Variants in KAT14 observed in about 807,000 individuals in gnomAD.
KAT14 encodes the protein lysine acetyltransferase 14.
A neutral mutation model predicts 78.4 loss-of-function variants in KAT14; 66 were observed. The ratio of observed to expected loss-of-function variants is 0.84; its 90% CI spans 0.69 to 1.03. KAT14 has a LOEUF of 1.03. Among genes scored for constraint, KAT14 ranks in the 50% least tolerant of loss-of-function variants. The pLI, the probability that KAT14 is intolerant of heterozygous loss-of-function variation, is 0.00. For synonymous variants in KAT14, 344 were observed against 359.4 expected (o/e 0.96, Z 0.48); for missense variants, 870 against 972.5 (o/e 0.89, Z 1.40).
At chr20:18,155,978 A>G (rs1420094371) in intron 4 of KAT14, among the ~76,000 whole-genome samples, 1 of 152,202 alleles carries the variant, frequency 6.6e-6, no homozygotes, top group Non-Finnish European at 1.5e-5. Flanking sequence ...TGAGATGTGG[A>G]AGCAACCAAA....
intron 1 of KAT14, among the ~76,000 whole-genome samples, chr20:18,140,449 A>C (rs1056660356): frequency 6.6e-6 from 1 of 151,924 alleles, no homozygotes; most frequent in Non-Finnish European, 1.5e-5. Flanking sequence ...TTTGGAAAAA[A>C]CCCCACAAAC....
chr20:18,151,862 G>T (rs1164125858), intron 4 of KAT14, among the ~76,000 whole-genome samples: 1 of 151,582 alleles, frequency 6.6e-6, no homozygotes, highest in African/African-American at 2.4e-5. Context: ...AATTAGCTGG[G>T]CGTGGTGGCA....
At chr20:18,150,447 C>T (rs770443535) in intron 3 of KAT14, among the ~76,000 whole-genome samples, 16 of 152,076 alleles carry the variant, frequency 1.1e-4, no homozygotes, top group Non-Finnish European at 1.6e-4. Flanking sequence ...CTCCTGCTGG[C>T]CAGAAGGTAC....
intron 7 of KAT14, among the ~76,000 whole-genome samples, chr20:18,174,062 G>T (rs999960294): frequency 1.3e-5 from 2 of 152,148 alleles, no homozygotes; most frequent in Non-Finnish European, 2.9e-5. Flanking sequence ...TCACATAAAT[G>T]GAGTCATATA....
chr20:18,179,330 C>G (rs992605955), intron 7 of KAT14, among the ~76,000 whole-genome samples: 1 of 152,230 alleles, frequency 6.6e-6, no homozygotes, highest in Non-Finnish European at 1.5e-5. Flanking sequence ...TGTGGGGGCT[C>G]TGACCCCACA....
rs150733293 is a variant in KAT14, at chr20:18,177,291, G to C, written c.1669-4419G>C. Among the ~76,000 whole-genome samples the C allele has an allele frequency of 1.3e-3, 192 of 152,298 alleles. 1 individual carries two copies. The highest frequency in any genetic ancestry group is 4.6e-3 in the African/African-American group (190 of 41,574). On this transcript the variant is annotated intron_variant, in intron 7 of 10. Coordinates refer to ENST00000688188, the MANE Select transcript of KAT14 (RefSeq NM_001392073.1). The stretch of plus-strand genomic sequence containing the variant: ...AGAGTCCATCTCCCTGTGGCCTCTA[G>C]TTATTAACTGGTCTAGCTGGACTCC...
rs1325007673 is a variant in KAT14, at chr20:18,187,450, C to T, written c.2337C>T (p.Leu779=). 1.2e-6 allele frequency: 2 copies of T among 1,613,870 alleles called. No homozygotes were observed. Among genetic ancestry groups the T allele is most frequent in the Non-Finnish European group, 1.7e-6 (2 of 1,179,978 alleles). ...TECKHAFFLR[L]RR ...GTAAACACGCATTCTTTCTGAGGCT[C>T]CGGCGCTGATGCGAATACAGCTCAC... Residue 779 remains leucine (L), a synonymous_variant, in exon 11 of 11, where the codon CTC becomes CTT. Coordinates refer to ENST00000688188, the MANE Select transcript of KAT14 (RefSeq NM_001392073.1).
chr20:18,141,161 A>G (rs2037560043), intron 1 of KAT14, among the ~76,000 whole-genome samples: 1 of 151,038 alleles, frequency 6.6e-6, no homozygotes, highest in African/African-American at 2.4e-5. Flanking sequence ...CTGGGATTAC[A>G]GGAGTGAGCC....
In KAT14 at chr20:18,138,003, G is replaced by C. The variant is rs760478110; in HGVS notation, c.-502G>C. 3.7e-5 allele frequency: 55 copies of C among 1,506,018 alleles called. No individual in the cohort carries two copies. Among genetic ancestry groups the C allele is most frequent in the East Asian group, 3.5e-4 (13 of 36,942 alleles). The allele number at this position is 1,506,018 out of a possible 1,614,324, so 93.3% of individuals were successfully genotyped here. ...TGCTGGGCCTCTCGGTGCTGCTGAC[G>C]GCGGCCACAGTGGCCGGCGTACATG... On this transcript the variant is annotated 5_prime_UTR_variant, in exon 1 of 11. Coordinates refer to ENST00000688188, the MANE Select transcript of KAT14 (RefSeq NM_001392073.1).
intron 1 of KAT14, 26 bp from the exon 2 acceptor site, chr20:18,142,182 C>T (rs1330613544): frequency 6.5e-7 from 1 of 1,533,002 alleles, no homozygotes; most frequent in East Asian, 2.4e-5. Flanking sequence ...CGGGATGTTA[C>T]TGAAATCTGT....
rs760478110 is a variant in KAT14 at position 18,138,003 on chromosome 20, G to A, written c.-502G>A. 4.0e-6 allele frequency: 6 copies of A among 1,506,018 alleles called. No homozygotes were observed. The South Asian group carries it at 6.2e-5, about 16-fold the overall frequency. 93.3% of individuals were successfully genotyped at this position (1,506,018 alleles called of 1,614,324 possible). A position where few individuals can be genotyped will look rare whatever the true frequency, so the allele number is the denominator to read the frequency against. The stretch of plus-strand genomic sequence containing the variant: ...TGCTGGGCCTCTCGGTGCTGCTGAC[G>A]GCGGCCACAGTGGCCGGCGTACATG... On this transcript the variant is annotated 5_prime_UTR_variant, in exon 1 of 11. Coordinates refer to ENST00000688188, the MANE Select transcript of KAT14 (RefSeq NM_001392073.1).
Position 18,159,060 on chromosome 20 carries a change from T to C in KAT14, c.501-24T>C, listed in dbSNP as rs566701623. ...GTATAATGAGCAAAAGTGCCAATCATTTTTAAATTCTTGGACTCTTTAGGA... is the reference window on the plus strand; with the variant it reads ...GTATAATGAGCAAAAGTGCCAATCACTTTTAAATTCTTGGACTCTTTAGGA... On this transcript the variant is annotated intron_variant, in intron 4 of 10. Coordinates refer to ENST00000688188, the MANE Select transcript of KAT14 (RefSeq NM_001392073.1). 17 of 1,583,312 alleles carry C rather than the reference T, an allele frequency of 1.1e-5. No individual in the cohort carries two copies. The South Asian group carries it at 1.6e-4, about 15-fold the overall frequency.
chr20:18,184,272 GTC>G (rs1283677254), intron 9 of KAT14, among the ~76,000 whole-genome samples: 3 of 152,144 alleles, frequency 2.0e-5, no homozygotes, highest in Non-Finnish European at 2.9e-5. Context: ...CAGAAACGGA[GTC>G]TCTGAGACAT....
At chr20:18,163,076 G>A (rs1479334104) in intron 7 of KAT14, 131 bp downstream of exon 7, 2 of 1,240,296 alleles carry the variant, frequency 1.6e-6, no homozygotes, top group African/African-American at 1.5e-5. Flanking sequence ...AAAGTAAAGT[G>A]CAAGGGAAAA....
chr20:18,184,909 T>A, intron 10 of KAT14, 117 bp downstream of exon 10: 1 of 1,127,396 alleles, frequency 8.9e-7, no homozygotes, highest in African/African-American at 1.6e-5. Context: ...GGTTTCCTTG[T>A]AAACCAAGTG....
At chr20:18,180,925 TATCAG>T (rs1355469308) in intron 7 of KAT14, among the ~76,000 whole-genome samples, 1 of 152,210 alleles carries the variant, frequency 6.6e-6, no homozygotes, top group Non-Finnish European at 1.5e-5. Context: ...AGCCAAACCA[TATCAG>T]AGATGTATTT....
intron 9 of KAT14, 89 bp downstream of exon 9, chr20:18,183,387 G>A (rs2039336462): frequency 1.4e-6 from 2 of 1,422,758 alleles, no homozygotes; most frequent in Non-Finnish European, 1.8e-6. Flanking sequence ...ATATCCTTAA[G>A]ATTTTTATTT....
chr20:18,174,782 G>C (rs1333473716), intron 7 of KAT14, among the ~76,000 whole-genome samples: 3 of 151,412 alleles, frequency 2.0e-5, no homozygotes, highest in Non-Finnish European at 4.4e-5. Context: ...TCCTGCCTCA[G>C]CCACCGAAGT....
Position 18,181,364 on chromosome 20 carries a change from C to CTTTTTTTTTT in KAT14, c.1669-333_1669-324dup, listed in dbSNP as rs762890490. On this transcript the variant is annotated intron_variant, in intron 7 of 10. Transcript: ENST00000688188. ...ACCAATCCTCAGAGTAATTTTGTTTCTTTTTTTTTTTTTTTTTTTTTTGAG... is the reference window on the plus strand; with the variant it reads ...ACCAATCCTCAGAGTAATTTTGTTTCTTTTTTTTTTTTTTTTTTTTTTTTTTTTTTTTGAG... 3.1e-4 allele frequency among the ~76,000 whole-genome samples: 33 copies of CTTTTTTTTTT among 106,802 alleles called. 1 individual carries two copies. The highest frequency in any genetic ancestry group is 7.8e-4 in the African/African-American group (21 of 27,064). 70.1% of individuals were successfully genotyped at this position (106,802 alleles called of 152,430 possible).
Sources: gnomAD v4.1 joint callset for allele counts (sites outside exome capture counted in the v4.1 genomes callset) on GRCh38, gnomAD v4.1.1 for gene constraint, MANE v1.5 for transcripts, NCBI Gene and HGNC (gene_info 2026-07-23, HGNC 2026-07-21) for gene names.